The following DIPK1A variants were observed in gnomAD, a reference collection of about 807,000 sequenced individuals.
DIPK1A encodes family with sequence similarity 69 member A.
In DIPK1A, 27 loss-of-function variants were observed where a neutral mutation model predicts 40.8. The observed-to-expected ratio is 0.66, with a 90% CI of 0.49 to 0.91. The LOEUF is 0.91. Among genes scored for constraint, DIPK1A ranks in the 40% least tolerant of loss-of-function variants. The pLI is 0.00. For missense variants in DIPK1A, 412 were observed against 505.7 expected (o/e 0.81, Z 1.78); for synonymous variants, 166 against 171.3 (o/e 0.97, Z 0.24).
At chr1:92,844,664 G>A (rs1687515178) in intron 4 of DIPK1A, among the ~76,000 whole-genome samples, 1 of 151,954 alleles carries the variant, frequency 6.6e-6, no homozygotes, top group African/African-American at 2.4e-5. Context: ...CCTGGGCTCA[G>A]GTGATCCTCC....
At position 92,944,390 on chromosome 1, in the gene DIPK1A, G is replaced by T. The variant is rs150614399; in HGVS notation, c.54+16986C>A. 6.8e-3 allele frequency among the ~76,000 whole-genome samples: 1,038 copies of T among 152,174 alleles called. 5 individuals carry two copies. Among genetic ancestry groups the T allele is most frequent in the Admixed American group, 0.012 (185 of 15,284 alleles). Reference sequence around the variant, plus strand: ...GTGAGTACCCATACAACTGATAAAAGAACCCTATTTATACATTTTCTCTGG... The same window carrying T: ...GTGAGTACCCATACAACTGATAAAATAACCCTATTTATACATTTTCTCTGG... On this transcript the variant is annotated intron_variant, in intron 1 of 4. Coordinates refer to ENST00000370310, the MANE Select transcript of DIPK1A (RefSeq NM_001006605.5).
At chr1:92,938,395 G>C (rs1192193142) in intron 1 of DIPK1A, among the ~76,000 whole-genome samples, 1 of 150,732 alleles carries the variant, frequency 6.6e-6, no homozygotes, top group Non-Finnish European at 1.5e-5. Flanking sequence ...CCTAAGCCCA[G>C]GGAGGTCAAA....
At chr1:92,907,810 C>T (rs946800573) in intron 1 of DIPK1A, among the ~76,000 whole-genome samples, 4 of 151,560 alleles carry the variant, frequency 2.6e-5, no homozygotes, top group African/African-American at 9.8e-5. Context: ...ACAAACTGTA[C>T]AACTTAAAAT....
chr1:92,836,900 G>A (rs1223990490), intron 4 of DIPK1A: 1 of 207,834 alleles, frequency 4.8e-6, no homozygotes, highest in Non-Finnish European at 9.9e-6. Flanking sequence ...GATATTTTTT[G>A]TTGTTGAGTC....
intron 3 of DIPK1A, among the ~76,000 whole-genome samples, chr1:92,849,343 T>G (rs1211107792): frequency 1.3e-5 from 2 of 151,708 alleles, no homozygotes; most frequent in Non-Finnish European, 2.9e-5. Context: ...GTCTGGTTTT[T>G]TTTTGTTTTT....
chr1:92,832,879 C>G (rs1558283375), exon 5 of DIPK1A: 7 of 630,904 alleles, frequency 1.1e-5, no homozygotes, highest in Non-Finnish European at 2.0e-5. Flanking sequence ...TTTTGAAAAA[C>G]ATAACATGGG....
intron 1 of DIPK1A, among the ~76,000 whole-genome samples, chr1:92,897,257 A>G (rs1649211463): frequency 6.6e-6 from 1 of 152,238 alleles, no homozygotes; most frequent in Admixed American, 6.5e-5. Flanking sequence ...AACCAACCCA[A>G]ATGTCCATCA....
intron 3 of DIPK1A, among the ~76,000 whole-genome samples, chr1:92,848,895 G>A (rs543861287): frequency 3.9e-5 from 6 of 152,212 alleles, no homozygotes; most frequent in African/African-American, 1.4e-4. Flanking sequence ...GAAAATTTAG[G>A]AACCATAAGA....
intron 1 of DIPK1A, among the ~76,000 whole-genome samples, chr1:92,912,294 T>C (rs1013199223): frequency 2.0e-5 from 3 of 152,122 alleles, no homozygotes; most frequent in African/African-American, 7.2e-5. Context: ...CCCCAGCACT[T>C]ACTAACACAG....
At chr1:92,861,308 ATTCTCT>A (rs1324766545) in intron 2 of DIPK1A, among the ~76,000 whole-genome samples, 3 of 115,036 alleles carry the variant, frequency 2.6e-5, no homozygotes, top group African/African-American at 9.6e-5. Context: ...TAGCTTTTCT[ATTCTCT>A]CTCTCTCTTT....
downstream of DIPK1A, chr1:92,840,268 C>A: frequency 2.6e-6 from 1 of 382,256 alleles, no homozygotes. Flanking sequence ...ACTTCAGACT[C>A]CCAAAGTGCT....
chr1:92,868,940 T>C (rs1209811573), intron 2 of DIPK1A, among the ~76,000 whole-genome samples: 1 of 146,928 alleles, frequency 6.8e-6, no homozygotes, highest in Non-Finnish European at 1.5e-5. Context: ...CACTCCAGCC[T>C]GTGTGACAGA....
Position 92,853,926 on chromosome 1 carries a change from G to A in DIPK1A, c.190-2971C>T, listed in dbSNP as rs537382975. ...TTTTGAGACAGAGTCTCACTCTGTT[G>A]CCCAGACTGGAGTGCAATGGCACAA... On this transcript the variant is annotated intron_variant, in intron 2 of 4. Coordinates refer to ENST00000370310, the MANE Select transcript of DIPK1A (RefSeq NM_001006605.5). Among the ~76,000 whole-genome samples, 4 of 152,134 alleles carry A rather than the reference G, an allele frequency of 2.6e-5. No individual in the cohort carries two copies. In the South Asian group the frequency reaches 6.2e-4, roughly 24 times the overall value.
At chr1:92,904,799 C>T (rs1024473549) in intron 1 of DIPK1A, among the ~76,000 whole-genome samples, 13 of 151,930 alleles carry the variant, frequency 8.6e-5, no homozygotes, top group Admixed American at 5.9e-4. Flanking sequence ...CCCCACTTCC[C>T]GTCCACCCCA....
intron 1 of DIPK1A, among the ~76,000 whole-genome samples, chr1:92,918,351 G>C (rs902176416): frequency 1.3e-5 from 2 of 152,062 alleles, no homozygotes; most frequent in African/African-American, 4.8e-5. Context: ...GTTTCATTAC[G>C]TTGGCCAGGC....
intron 1 of DIPK1A, among the ~76,000 whole-genome samples, chr1:92,950,351 AACG>A (rs1435668403): frequency 6.6e-6 from 1 of 152,134 alleles, no homozygotes; most frequent in Non-Finnish European, 1.5e-5. Context: ...GCAGGAATGG[AACG>A]ACAATATAGG....
intron 1 of DIPK1A, among the ~76,000 whole-genome samples, chr1:92,941,324 G>A (rs1651144242): frequency 6.6e-6 from 1 of 152,124 alleles, no homozygotes; most frequent in African/African-American, 2.4e-5. Flanking sequence ...TCTTGTTGTA[G>A]CAATTATCTC....
chr1:92,937,356 A>C (rs1419747067), intron 1 of DIPK1A, among the ~76,000 whole-genome samples: 1 of 152,200 alleles, frequency 6.6e-6, no homozygotes, highest in Non-Finnish European at 1.5e-5. Context: ...TTAACTGGTG[A>C]CTAACCTATC....
intron 2 of DIPK1A, among the ~76,000 whole-genome samples, chr1:92,870,075 TACACACACAC>T (rs3221733): frequency 2.3e-4 from 15 of 66,454 alleles, no homozygotes; most frequent in South Asian, 4.6e-4. Context: ...GAATTATATA[TACACACACAC>T]ACACACACAC....
Sources: gnomAD v4.1 joint callset for allele counts (sites outside exome capture counted in the v4.1 genomes callset) on GRCh38, gnomAD v4.1.1 for gene constraint, MANE v1.5 for transcripts, NCBI Gene and HGNC (gene_info 2026-07-23, HGNC 2026-07-21) for gene names.